Variants in GRID2IP observed in about 807,000 individuals in gnomAD.
GRID2IP encodes delphilin.
In GRID2IP, 78 loss-of-function variants were observed where a neutral mutation model predicts 114.3. That is an observed-to-expected ratio of 0.68 (90% CI 0.57 to 0.82). The LOEUF (loss-of-function observed/expected upper bound fraction) is 0.82, where lower values mean the gene tolerates loss of function less well. Ranked by LOEUF, GRID2IP falls within the 40% of genes least tolerant of loss-of-function variation. The probability of loss-of-function intolerance (pLI) is 0.00; values close to 1 mark genes in which losing one functional copy is unlikely to be tolerated. For missense variants in GRID2IP, 1,727 were observed against 1,678.5 expected (o/e 1.03, Z -0.51); for synonymous variants, 809 against 724.0 (o/e 1.12, Z -1.89).
intron 1 of GRID2IP, among the ~76,000 whole-genome samples, chr7:6,543,848 G>A (rs1185631102): frequency 6.6e-6 from 1 of 152,032 alleles, no homozygotes; most frequent in Non-Finnish European, 1.5e-5. Flanking sequence ...CTGTCGCTCT[G>A]TGCAGTGGTG....
intron 1 of GRID2IP, among the ~76,000 whole-genome samples, chr7:6,542,566 G>A (rs990857383): frequency 2.0e-5 from 3 of 152,112 alleles, no homozygotes; most frequent in South Asian, 2.1e-4. Context: ...GCTGAAGTGA[G>A]AGGATCACTT....
intron 11 of GRID2IP, among the ~76,000 whole-genome samples, 154 bp downstream of exon 11, chr7:6,510,129 C>T (rs1786723852): frequency 6.6e-6 from 1 of 152,154 alleles, no homozygotes; most frequent in Non-Finnish European, 1.5e-5. Context: ...GGTACCCAGG[C>T]TACTTTCTTG....
rs58020378 is a variant in GRID2IP at position 6,508,252 on chromosome 7, C to A, written c.2277G>T (p.Pro759=). Residue 759 remains proline, a synonymous_variant, in exon 13 of 22, where the codon CCG becomes CCT. Transcript: ENST00000457091. This position sits in a 1 kb window ranked among gnomAD's most constrained non-coding sequence, Gnocchi z 5.6. ...TAGCGTCATGGAAAGGCAGGGGTGG[C>A]GGTGGTGGGGGGCTGAGCGGGGGTG... The part of the protein sequence containing the change: ...IPPPPLSPPP[P]PPLPFHDAKP... The A allele has an allele frequency of 3.4e-5, 14 of 413,150 alleles. No homozygotes were observed. The highest frequency in any genetic ancestry group is 4.4e-5 in the Non-Finnish European group (14 of 319,642). 25.6% of individuals were successfully genotyped at this position (413,150 alleles called of 1,614,324 possible).
At chr7:6,546,371 C>T (rs1779887959) in intron 1 of GRID2IP, among the ~76,000 whole-genome samples, 1 of 151,014 alleles carries the variant, frequency 6.6e-6, no homozygotes, top group African/African-American at 2.4e-5. Flanking sequence ...GCCACCGTGC[C>T]CAGCCAAGCC....
Position 6,521,864 on chromosome 7 carries a change from C to G in GRID2IP, c.989+24G>C, listed in dbSNP as rs572369025. On this transcript the variant is annotated intron_variant, in intron 5 of 21. Transcript: ENST00000457091. The surrounding 1 kb of genome is among the most constrained non-coding windows in gnomAD (Gnocchi z 4.1). ...GGTGGGGGCAGCTCCTCACCAACCC[C>G]TGGTGTCCCCAATAGCCTCTGACCT... 11 of 1,539,510 alleles carry G rather than the reference C, an allele frequency of 7.1e-6. 1 individual carries two copies. In the East Asian group the frequency reaches 2.2e-4, roughly 31 times the overall value.
intron 8 of GRID2IP, among the ~76,000 whole-genome samples, chr7:6,512,514 AT>A (rs1179258439): frequency 2.8e-5 from 4 of 144,150 alleles, no homozygotes; most frequent in South Asian, 2.2e-4. Context: ...CTAATTTTTT[AT>A]TTTTTTTTTC....
In GRID2IP at chr7:6,510,687, C is replaced by T. The variant is rs367707573; in HGVS notation, c.1575G>A (p.Glu525=). 6.5e-7 allele frequency: 1 copy of T among 1,548,116 alleles called. No individual in the cohort carries two copies. The highest frequency in any genetic ancestry group is 1.4e-5 in the African/African-American group (1 of 72,852). Residue 525 remains glutamate (E), a synonymous_variant, in exon 10 of 22, where the codon GAG becomes GAA. Transcript: ENST00000457091. ...GLSCGPSECP[E]MPLPLIPGER... is the part of the protein sequence containing the mutation. ...CGCCTGGGATCAGGGGAAGAGGCAT[C>T]TCAGGGCACTCGCTGGGACCTACCG...
intron 1 of GRID2IP, among the ~76,000 whole-genome samples, chr7:6,540,078 C>G (rs1327656227): frequency 6.6e-6 from 1 of 150,986 alleles, no homozygotes; most frequent in Non-Finnish European, 1.5e-5. Flanking sequence ...TCCCTTCCTT[C>G]TTCCCTTCCC....
At chr7:6,541,601 G>T (rs1428960553) in intron 1 of GRID2IP, among the ~76,000 whole-genome samples, 2 of 152,206 alleles carry the variant, frequency 1.3e-5, no homozygotes, top group East Asian at 3.8e-4. Flanking sequence ...TTGGAAACGT[G>T]TGCAAATGAT....
rs975142145 is a variant in GRID2IP at position 6,536,102 on chromosome 7, C to G, written c.584+3616G>C. Among the ~76,000 whole-genome samples the G allele has an allele frequency of 9.2e-5, 14 of 152,170 alleles. No homozygotes were observed. The highest frequency in any genetic ancestry group is 3.4e-4 in the African/African-American group (14 of 41,426). ...TCTCCAGATGGGGCTGCCCAGAGAT[C>G]GCTGCCACCCTAGAGGCCAGCACAC... is the stretch of plus-strand genomic sequence containing the variant. On this transcript the variant is annotated intron_variant, in intron 2 of 21. Transcript: ENST00000457091. This position sits in a 1 kb window ranked among gnomAD's most constrained non-coding sequence, Gnocchi z 5.3.
Position 6,536,732 on chromosome 7 carries a change from C to T in GRID2IP, c.584+2986G>A. The T allele has an allele frequency of 1.4e-6, 1 of 694,988 alleles. No individual in the cohort carries two copies. Among genetic ancestry groups the T allele is most frequent in the Admixed American group, 2.0e-5 (1 of 49,752 alleles). 43.1% of individuals were successfully genotyped at this position (694,988 alleles called of 1,614,324 possible). ...CAGCTCCCCAGGAAGCGCTCAGAGC[C>T]AGCGCATCATCTCCGCGGCAAATTC... On this transcript the variant is annotated intron_variant, in intron 2 of 21. Transcript: ENST00000457091. The surrounding 1 kb of genome is among the most constrained non-coding windows in gnomAD (Gnocchi z 5.3).
chr7:6,499,420 T>G (rs1215591254), intron 20 of GRID2IP, among the ~76,000 whole-genome samples: 1 of 152,164 alleles, frequency 6.6e-6, no homozygotes, highest in African/African-American at 2.4e-5. Context: ...TTGCAGAGGC[T>G]GCCTTTAATT....
chr7:6,539,627 GC>G, intron 2 of GRID2IP, 90 bp downstream of exon 2: 3 of 1,237,754 alleles, frequency 2.4e-6, no homozygotes, highest in Middle Eastern at 2.8e-4. Context: ...TCCCACCTGG[GC>G]TGGAAGGGGT....
chr7:6,501,997 G>C lies in GRID2IP; in HGVS notation c.3272C>G (p.Ala1091Gly). The change falls in exon 19 of 22, where the codon GCT (alanine) becomes GGT (glycine). Residue 1091 changes from alanine (A) to glycine (G), a missense_variant. By Grantham distance (60) the Ala-to-Gly change is moderately conservative. Transcript: ENST00000457091. ...CCACCCACCCAGCATACCTTTGGCAGCCAGGGGCACGGTGGGCAGGTCCTG... is the reference window on the plus strand; with the variant it reads ...CCACCCACCCAGCATACCTTTGGCACCCAGGGGCACGGTGGGCAGGTCCTG... ...FAQDLPTVPL[A>G]AKVNQRALTS... The C allele has an allele frequency of 1.9e-6, 3 of 1,551,350 alleles. No individual in the cohort carries two copies. The highest frequency in any genetic ancestry group is 2.6e-6 in the Non-Finnish European group (3 of 1,146,898).
rs1338063982 is a variant in GRID2IP, at chr7:6,520,983, T to C, written c.1085-222A>G. Among the ~76,000 whole-genome samples the C allele has an allele frequency of 6.6e-6, 1 of 152,144 alleles. No homozygotes were observed. The highest frequency in any genetic ancestry group is 1.5e-5 in the Non-Finnish European group (1 of 68,016). ...TATACACTAGGGTTTTTTGTTTGTT[T>C]GTTTTGAGACAGAGTCTTGCTCTGT... On this transcript the variant is annotated intron_variant, in intron 6 of 21. Coordinates refer to ENST00000457091, the MANE Select transcript of GRID2IP (RefSeq NM_001145118.2). The surrounding 1 kb of genome is among the most constrained non-coding windows in gnomAD (Gnocchi z 4.6).
chr7:6,523,195 C>A lies in GRID2IP; in HGVS notation c.920-1238G>T, dbSNP rs554944298. ...CTAAATAAAATATACTCTCAGATTGCGAGAAGTTCTCTCTGGGGGAAGTGG... is the reference window on the plus strand; with the variant it reads ...CTAAATAAAATATACTCTCAGATTGAGAGAAGTTCTCTCTGGGGGAAGTGG... On this transcript the variant is annotated intron_variant, in intron 4 of 21. Transcript: ENST00000457091. The surrounding 1 kb of genome is among the most constrained non-coding windows in gnomAD (Gnocchi z 4.5). Among the ~76,000 whole-genome samples the A allele has an allele frequency of 6.6e-6, 1 of 152,034 alleles. No individual in the cohort carries two copies. The highest frequency in any genetic ancestry group is 2.4e-5 in the African/African-American group (1 of 41,392).
intron 1 of GRID2IP, among the ~76,000 whole-genome samples, chr7:6,542,105 C>A (rs1779822101): frequency 6.6e-6 from 1 of 151,868 alleles, no homozygotes; most frequent in South Asian, 2.1e-4. Flanking sequence ...TGTTTGAGAC[C>A]AGCCTGGCCA....
chr7:6,535,912 C>T (rs925850454), intron 2 of GRID2IP, among the ~76,000 whole-genome samples: 4 of 152,120 alleles, frequency 2.6e-5, no homozygotes, highest in African/African-American at 9.7e-5. Context: ...ATCTACAGGA[C>T]GCACCACCAG....
In GRID2IP at chr7:6,509,953, T is replaced by A. The variant is rs988388712; in HGVS notation, c.1771+330A>T. Reference sequence around the variant, plus strand: ...AAGTGATCCTCCCGCCTCAGCCTCTTGAGGAGTTGGGACTACAGGCATATG... The same window carrying A: ...AAGTGATCCTCCCGCCTCAGCCTCTAGAGGAGTTGGGACTACAGGCATATG... On this transcript the variant is annotated intron_variant, in intron 11 of 21. Transcript: ENST00000457091. This position sits in a 1 kb window ranked among gnomAD's most constrained non-coding sequence, Gnocchi z 4.9. 1.3e-5 allele frequency among the ~76,000 whole-genome samples: 2 copies of A among 152,078 alleles called. No homozygotes were observed. The highest frequency in any genetic ancestry group is 4.8e-5 in the African/African-American group (2 of 41,410).
Sources: gnomAD v4.1 joint callset for allele counts (sites outside exome capture counted in the v4.1 genomes callset) on GRCh38, gnomAD v4.1.1 for gene constraint, Gnocchi (gnomAD v3.1) non-coding constraint, MANE v1.5 for transcripts, NCBI Gene and HGNC (gene_info 2026-07-23, HGNC 2026-07-21) for gene names.